ERC2: variants seen among roughly 807,000 people sequenced by gnomAD.
ERC2 encodes ELKS/RAB6-interacting/CAST family member 2.
ERC2 carries 42 observed loss-of-function variants against 114.8 expected under a neutral mutation model. That is an observed-to-expected ratio of 0.37 (90% CI 0.29 to 0.47). The LOEUF (loss-of-function observed/expected upper bound fraction) is 0.47. Among genes scored for constraint, ERC2 ranks in the 20% least tolerant of loss-of-function variants. ERC2 has a pLI of 0.99. For synonymous variants in ERC2, 454 were observed against 425.5 expected (o/e 1.07, Z -0.82); for missense variants, 939 against 1,150.7 (o/e 0.82, Z 2.66).
intron 12 of ERC2, among the ~76,000 whole-genome samples, chr3:55,962,117 T>C (rs1559939539): frequency 1.3e-5 from 2 of 152,154 alleles, no homozygotes; most frequent in Admixed American, 1.3e-4. Context: ...AAACTGGAAA[T>C]CTAAGAGGCC....
At chr3:56,177,103 T>C (rs935486365) in intron 3 of ERC2, among the ~76,000 whole-genome samples, 1 of 152,200 alleles carries the variant, frequency 6.6e-6, no homozygotes, top group Non-Finnish European at 1.5e-5. Flanking sequence ...GAAATAAAAA[T>C]AAACTTCTAT....
intron 4 of ERC2, among the ~76,000 whole-genome samples, chr3:56,171,684 G>T (rs1298041980): frequency 6.6e-6 from 1 of 151,732 alleles, no homozygotes; most frequent in African/African-American, 2.4e-5. Context: ...AAAACATAAT[G>T]CTAAAAACAA....
chr3:55,569,999 C>T (rs1575611149), intron 17 of ERC2, among the ~76,000 whole-genome samples: 1 of 151,742 alleles, frequency 6.6e-6, no homozygotes, highest in East Asian at 1.9e-4. Flanking sequence ...ACTGAGATTA[C>T]AGGTGTGTAC....
intron 3 of ERC2, among the ~76,000 whole-genome samples, chr3:56,229,862 CT>C (rs34357962): frequency 0.025 from 1,435 of 56,572 alleles, no homozygotes; most frequent in Non-Finnish European, 0.035. Flanking sequence ...AATATCTAGT[CT>C]TTTTTTTTTT....
chr3:56,449,336 T>C (rs868097238), intron 1 of ERC2, among the ~76,000 whole-genome samples: 1 of 152,150 alleles, frequency 6.6e-6, no homozygotes, highest in Non-Finnish European at 1.5e-5. Context: ...AGGCACAGGC[T>C]CCAGGTGGGC....
At chr3:56,267,833 A>G (rs2053419848) in intron 3 of ERC2, among the ~76,000 whole-genome samples, 2 of 152,118 alleles carry the variant, frequency 1.3e-5, no homozygotes, top group Non-Finnish European at 2.9e-5. Context: ...CAAAGTTGTA[A>G]TTACATAGGA....
intron 13 of ERC2, among the ~76,000 whole-genome samples, chr3:55,898,501 T>G (rs141883058): frequency 3.6e-4 from 55 of 152,278 alleles, no homozygotes; most frequent in African/African-American, 1.3e-3. Flanking sequence ...GAGCTTGACC[T>G]CTATGTACGT....
In ERC2 at chr3:55,510,578, C is replaced by T. The variant is rs936362806; in HGVS notation, c.*738G>A. The T allele has an allele frequency of 2.6e-5, 4 of 152,596 alleles. No homozygotes were observed. Among genetic ancestry groups the T allele is most frequent in the African/African-American group, 4.8e-5 (2 of 41,420 alleles). The allele number at this position is 152,596 out of a possible 1,614,324, so 9.5% of individuals were successfully genotyped here. ...AGACACACACCATGTTCTCATAAGGCGATTTCTTGGCAAGCATTAGTGGTT... is the reference window on the plus strand; with the variant it reads ...AGACACACACCATGTTCTCATAAGGTGATTTCTTGGCAAGCATTAGTGGTT... On this transcript the variant is annotated 3_prime_UTR_variant, in exon 18 of 18. Coordinates refer to ENST00000288221, the MANE Select transcript of ERC2 (RefSeq NM_015576.3).
intron 15 of ERC2, among the ~76,000 whole-genome samples, chr3:55,725,899 C>A (rs575807681): frequency 6.6e-6 from 1 of 152,340 alleles, no homozygotes; most frequent in South Asian, 2.1e-4. Flanking sequence ...GAGGCACCAG[C>A]TGCCTAGGAT....
At chr3:55,552,988 C>T (rs11717237) in intron 17 of ERC2, among the ~76,000 whole-genome samples, 42,072 of 130,372 alleles carry the variant, frequency 0.32, 6,690 homozygotes, top group Middle Eastern at 0.42. Context: ...ATTTCTGTGT[C>T]GTTATTATTG....
chr3:56,030,632 C>T (rs2074321800), intron 7 of ERC2, among the ~76,000 whole-genome samples: 1 of 152,114 alleles, frequency 6.6e-6, no homozygotes. Flanking sequence ...TATAGCCATT[C>T]TTGCATTTTA....
At chr3:56,118,364 G>A (rs373534560) in intron 6 of ERC2, among the ~76,000 whole-genome samples, 1 of 152,098 alleles carries the variant, frequency 6.6e-6, no homozygotes, top group African/African-American at 2.4e-5. Context: ...AACACCATAG[G>A]TGAGCACTAA....
At chr3:56,133,679 G>A (rs2080336904) in intron 6 of ERC2, among the ~76,000 whole-genome samples, 1 of 152,126 alleles carries the variant, frequency 6.6e-6, no homozygotes, top group Non-Finnish European at 1.5e-5. Context: ...CTTCACAAGT[G>A]GTGAGTCAGT....
At chr3:55,992,990 G>A (rs1396484046) in intron 10 of ERC2, among the ~76,000 whole-genome samples, 1 of 152,120 alleles carries the variant, frequency 6.6e-6, no homozygotes, top group Non-Finnish European at 1.5e-5. Context: ...CAACAACACA[G>A]CAACAACATT....
intron 12 of ERC2, among the ~76,000 whole-genome samples, chr3:55,952,170 C>CTAT (rs1156431343): frequency 4.6e-5 from 3 of 64,554 alleles, no homozygotes; most frequent in African/African-American, 1.5e-4. Flanking sequence ...CACACACACA[C>CTAT]ACACACACAC....
At chr3:56,147,291 G>C (rs2081190434) in intron 5 of ERC2, among the ~76,000 whole-genome samples, 1 of 152,092 alleles carries the variant, frequency 6.6e-6, no homozygotes, top group South Asian at 2.1e-4. Context: ...GACTGCGCAG[G>C]GAAACTTATT....
intron 2 of ERC2, among the ~76,000 whole-genome samples, chr3:56,388,060 T>C (rs758412797): frequency 5.3e-5 from 8 of 152,172 alleles, no homozygotes; most frequent in African/African-American, 1.7e-4. Flanking sequence ...TATTTACATA[T>C]ACAAATCCTA....
At chr3:55,888,595 G>A in intron 13 of ERC2, 46 bp from the exon 14 acceptor site, 2 of 1,603,960 alleles carry the variant, frequency 1.2e-6, no homozygotes, top group East Asian at 2.2e-5. Context: ...CTTCATTCAA[G>A]CACAAGACAT....
intron 17 of ERC2, among the ~76,000 whole-genome samples, chr3:55,654,572 G>A (rs891672561): frequency 6.6e-6 from 1 of 152,230 alleles, no homozygotes; most frequent in Non-Finnish European, 1.5e-5. Context: ...TGGAGACTGC[G>A]GTGGAAGATA....
Sources: gnomAD v4.1 joint callset for allele counts (sites outside exome capture counted in the v4.1 genomes callset) on GRCh38, gnomAD v4.1.1 for gene constraint, MANE v1.5 for transcripts, NCBI Gene and HGNC (gene_info 2026-07-23, HGNC 2026-07-21) for gene names.